Variants in HEATR5A observed in about 807,000 individuals in gnomAD.
HEATR5A encodes HEAT repeat-containing protein 5A.
HEATR5A carries 178 observed loss-of-function variants against 218.8 expected under a neutral mutation model. The ratio of observed to expected loss-of-function variants is 0.81; its 90% CI spans 0.72 to 0.92. HEATR5A has a LOEUF of 0.92. Among genes scored for constraint, HEATR5A ranks in the 40% least tolerant of loss-of-function variants. The pLI is 0.00. For synonymous variants in HEATR5A, 864 were observed against 871.6 expected, an observed-to-expected ratio of 0.99 and a Z score of 0.15; for missense variants, 2,420 against 2,418.9, an observed-to-expected ratio of 1.00 and a Z score of -0.01.
chr14:31,384,862 C>T (rs977840419), intron 9 of HEATR5A, among the ~76,000 whole-genome samples: 3 of 151,920 alleles, frequency 2.0e-5, no homozygotes, highest in South Asian at 4.1e-4. Flanking sequence ...CCATGTTGCT[C>T]TTATAAGAAT....
At chr14:31,353,893 A>G (rs769527880) in intron 16 of HEATR5A, among the ~76,000 whole-genome samples, 8 of 151,734 alleles carry the variant, frequency 5.3e-5, no homozygotes, top group Non-Finnish European at 8.8e-5. Context: ...TCTGCCTCCC[A>G]GGTTCATGCC....
intron 7 of HEATR5A, 100 bp from the exon 8 acceptor site, chr14:31,387,475 T>C (rs996541338): frequency 1.1e-6 from 1 of 882,134 alleles, no homozygotes; most frequent in East Asian, 2.7e-5. Flanking sequence ...TCTTATTCCT[T>C]ATAAATTGTA....
At chr14:31,403,397 A>C (rs2030946720) in intron 1 of HEATR5A, among the ~76,000 whole-genome samples, 1 of 152,214 alleles carries the variant, frequency 6.6e-6, no homozygotes, top group Non-Finnish European at 1.5e-5. Context: ...AAAATGGGTA[A>C]TAGGTACATA....
chr14:31,414,480 GAC>G (rs1161960512), intron 1 of HEATR5A, among the ~76,000 whole-genome samples: 2 of 152,184 alleles, frequency 1.3e-5, no homozygotes, highest in Non-Finnish European at 2.9e-5. Context: ...TGATGAAAGA[GAC>G]AAATAATATT....
intron 11 of HEATR5A, among the ~76,000 whole-genome samples, chr14:31,376,365 T>C (rs1228895837): frequency 6.6e-6 from 1 of 152,088 alleles, no homozygotes; most frequent in Non-Finnish European, 1.5e-5. Context: ...AGTAAAAAGT[T>C]AGTTGGGTGT....
At chr14:31,368,899 C>T (rs962920187) in intron 13 of HEATR5A, among the ~76,000 whole-genome samples, 31 of 151,832 alleles carry the variant, frequency 2.0e-4, no homozygotes, top group African/African-American at 7.5e-4. Context: ...AAGTACTAAC[C>T]AAAGAGTAAA....
In HEATR5A at chr14:31,380,590, T is replaced by G. The variant is rs754897435; in HGVS notation, c.1597-12A>C. 11 of 1,519,006 alleles carry G rather than the reference T, an allele frequency of 7.2e-6. No individual in the cohort carries two copies. The African/African-American group carries it at 1.5e-4, about 21-fold the overall frequency. The allele number at this position is 1,519,006 out of a possible 1,614,324, so 94.1% of individuals were successfully genotyped here. A position where few individuals can be genotyped will look rare whatever the true frequency, so the allele number is the denominator to read the frequency against. On this transcript the variant is annotated splice_polypyrimidine_tract_variant and intron_variant, in intron 10 of 35. Coordinates refer to ENST00000543095, the MANE Select transcript of HEATR5A (RefSeq NM_015473.4). ...AATGTCATAATAATCTATTTACATATAGAACAAGTTTTAAAAAAAGCATAT... is the reference window on the plus strand; with the variant it reads ...AATGTCATAATAATCTATTTACATAGAGAACAAGTTTTAAAAAAAGCATAT...
At chr14:31,322,766 C>T in intron 24 of HEATR5A, among the ~76,000 whole-genome samples, 1 of 146,928 alleles carries the variant, frequency 6.8e-6, no homozygotes, top group Non-Finnish European at 1.5e-5. Flanking sequence ...TTACAGTGAG[C>T]TGTGATCATG....
intron 10 of HEATR5A, 24 bp from the exon 11 acceptor site, chr14:31,380,602 T>TA (rs555906292): frequency 1.2e-5 from 17 of 1,440,558 alleles, no homozygotes; most frequent in South Asian, 5.0e-5. Flanking sequence ...GAACAAGTTT[T>TA]AAAAAAAGCA....
At chr14:31,361,554 TTC>T (rs1901616310) in intron 14 of HEATR5A, among the ~76,000 whole-genome samples, 1 of 152,224 alleles carries the variant, frequency 6.6e-6, no homozygotes, top group Admixed American at 6.5e-5. Context: ...AAATCTCTGC[TTC>T]TCAGTTGAAA....
intron 22 of HEATR5A, among the ~76,000 whole-genome samples, chr14:31,337,029 G>A (rs1312734177): frequency 6.6e-6 from 1 of 152,178 alleles, no homozygotes; most frequent in Non-Finnish European, 1.5e-5. Context: ...AAACATTTGT[G>A]TATCAAAACA....
intron 24 of HEATR5A, among the ~76,000 whole-genome samples, chr14:31,322,453 T>C (rs1444387748): frequency 6.6e-6 from 1 of 152,190 alleles, no homozygotes; most frequent in African/African-American, 2.4e-5. Flanking sequence ...TAATTCATAC[T>C]CAGACTGGCA....
intron 21 of HEATR5A, chr14:31,340,301 G>A (rs997849894): frequency 6.4e-6 from 2 of 312,916 alleles, no homozygotes; most frequent in African/African-American, 2.2e-5. Flanking sequence ...TAAACACCAC[G>A]AAACATGCTA....
chr14:31,368,941 T>A (rs544438510), intron 13 of HEATR5A, among the ~76,000 whole-genome samples: 17 of 152,248 alleles, frequency 1.1e-4, no homozygotes, highest in Non-Finnish European at 2.2e-4. Flanking sequence ...AAATAATAAA[T>A]GTTTATTAAT....
chr14:31,401,231 C>CT (rs1289649083), intron 2 of HEATR5A, among the ~76,000 whole-genome samples: 1 of 152,042 alleles, frequency 6.6e-6, no homozygotes, highest in African/African-American at 2.4e-5. Flanking sequence ...GGGGAGGGGC[C>CT]TGCTAGGAGG....
chr14:31,315,450 C>T (rs976112637), intron 27 of HEATR5A, among the ~76,000 whole-genome samples: 1 of 152,118 alleles, frequency 6.6e-6, no homozygotes, highest in Non-Finnish European at 1.5e-5. Context: ...TTACATGCTA[C>T]AGAGTTGATA....
In HEATR5A at chr14:31,398,671, A is replaced by G. The variant is rs1455267079; in HGVS notation, c.447+2T>C. The G allele has an allele frequency of 3.5e-6, 5 of 1,426,826 alleles. No individual in the cohort carries two copies. The highest frequency in any genetic ancestry group is 3.8e-6 in the Non-Finnish European group (4 of 1,052,064). The allele number at this position is 1,426,826 out of a possible 1,614,324, so 88.4% of individuals were successfully genotyped here. ...TCTTTGGCTGAACTTGTAATTACTT[A>G]CCTCTGCACTCTTCATAGCTTTAAG... On this transcript the variant is annotated splice_donor_variant, in intron 4 of 35. Coordinates refer to ENST00000543095, the MANE Select transcript of HEATR5A (RefSeq NM_015473.4). LOFTEE classifies it high-confidence loss of function.
At chr14:31,386,943 G>T (rs980632351) in intron 8 of HEATR5A, among the ~76,000 whole-genome samples, 177 bp downstream of exon 8, 1 of 152,156 alleles carries the variant, frequency 6.6e-6, no homozygotes, top group South Asian at 2.1e-4. Context: ...AGCTGAGATA[G>T]ACAGTTTCAA....
At chr14:31,352,396 T>C (rs1027665608) in intron 16 of HEATR5A, among the ~76,000 whole-genome samples, 4 of 152,208 alleles carry the variant, frequency 2.6e-5, no homozygotes, top group Non-Finnish European at 4.4e-5. Context: ...TGGCTGAACA[T>C]GAAAATATGG....
Sources: gnomAD v4.1 joint callset for allele counts (sites outside exome capture counted in the v4.1 genomes callset) on GRCh38, gnomAD v4.1.1 for gene constraint, MANE v1.5 for transcripts, NCBI Gene and HGNC (gene_info 2026-07-23, HGNC 2026-07-21) for gene names.